DRC11: variants seen among roughly 807,000 people sequenced by gnomAD.
DRC11 encodes dynein regulatory complex subunit 11, also known as IQ and AAA domain-containing protein 1.
At chr2:236,365,459 G>T in the DRC11 span, among the ~76,000 whole-genome samples, 1 of 152,100 alleles carries the variant, frequency 6.6e-6, no homozygotes, top group Non-Finnish European at 1.5e-5. This position sits in a 1 kb window ranked among gnomAD's most constrained non-coding sequence, Gnocchi z 7.4. Context: ...ACAGGGAGGG[G>T]TGAGGAGCCA....
At chr2:236,408,640 G>A in the DRC11 span, 1 of 722,840 alleles carries the variant, frequency 1.4e-6, no homozygotes. The surrounding 1 kb of genome is among the most constrained non-coding windows in gnomAD (Gnocchi z 5.5). Context: ...TGCTCCAGCT[G>A]CTTCTTGCCA....
At chr2:236,357,611 T>C in the DRC11 span, among the ~76,000 whole-genome samples, 2 of 124,340 alleles carry the variant, frequency 1.6e-5, no homozygotes, top group Admixed American at 1.8e-4. Flanking sequence ...AAATATATAT[T>C]TATAAATATA....
the DRC11 span, among the ~76,000 whole-genome samples, chr2:236,312,227 C>T: frequency 3.9e-5 from 6 of 152,168 alleles, no homozygotes; most frequent in African/African-American, 1.4e-4. Flanking sequence ...ACTCAATTTA[C>T]AGAACTTTCA....
chr2:236,310,294 A>C, the DRC11 span, among the ~76,000 whole-genome samples: 1 of 152,182 alleles, frequency 6.6e-6, no homozygotes, highest in South Asian at 2.1e-4. The surrounding 1 kb of genome is among the most constrained non-coding windows in gnomAD (Gnocchi z 5.5). Flanking sequence ...AAGCATTTGG[A>C]GGATGGCACA....
the DRC11 span, among the ~76,000 whole-genome samples, chr2:236,355,929 C>T: frequency 4.6e-5 from 7 of 152,158 alleles, no homozygotes; most frequent in African/African-American, 1.4e-4. Flanking sequence ...CCACACACCA[C>T]ATCTGGGCAA....
At chr2:236,324,993 G>C in the DRC11 span, among the ~76,000 whole-genome samples, 1 of 152,200 alleles carries the variant, frequency 6.6e-6, no homozygotes, top group East Asian at 1.9e-4. This position sits in a 1 kb window ranked among gnomAD's most constrained non-coding sequence, Gnocchi z 5.7. Context: ...ATTTCTGCAT[G>C]ATTTGTTAAC....
the DRC11 span, among the ~76,000 whole-genome samples, chr2:236,478,756 G>T: frequency 8.6e-5 from 13 of 150,582 alleles, no homozygotes; most frequent in African/African-American, 2.4e-4. The surrounding 1 kb of genome is among the most constrained non-coding windows in gnomAD (Gnocchi z 5.9). Context: ...ATATTATCTT[G>T]CTGAATTGAC....
chr2:236,482,511 T>C, the DRC11 span, among the ~76,000 whole-genome samples: 24 of 152,336 alleles, frequency 1.6e-4, no homozygotes, highest in African/African-American at 5.5e-4. This position sits in a 1 kb window ranked among gnomAD's most constrained non-coding sequence, Gnocchi z 4.5. Flanking sequence ...GTGTTAAGAA[T>C]GAGCATCTCA....
the DRC11 span, among the ~76,000 whole-genome samples, chr2:236,342,116 G>A: frequency 1.3e-5 from 2 of 152,182 alleles, no homozygotes; most frequent in Non-Finnish European, 2.9e-5. This position sits in a 1 kb window ranked among gnomAD's most constrained non-coding sequence, Gnocchi z 5.8. Context: ...AGAGGGGCCG[G>A]AGGGTGCATT....
chr2:236,471,453 C>A, the DRC11 span, among the ~76,000 whole-genome samples: 6 of 152,110 alleles, frequency 3.9e-5, no homozygotes, highest in African/African-American at 1.4e-4. This position sits in a 1 kb window ranked among gnomAD's most constrained non-coding sequence, Gnocchi z 4.6. Context: ...AACACTGTAA[C>A]GTTAACTTTT....
At chr2:236,318,626 T>C in the DRC11 span, among the ~76,000 whole-genome samples, 1 of 143,430 alleles carries the variant, frequency 7.0e-6, no homozygotes, top group South Asian at 2.1e-4. The surrounding 1 kb of genome is among the most constrained non-coding windows in gnomAD (Gnocchi z 7.0). Context: ...GTGGTGTGCA[T>C]ATATCGTTTG....
the DRC11 span, chr2:236,331,392 A>C: frequency 6.2e-7 from 1 of 1,613,832 alleles, no homozygotes; most frequent in South Asian, 1.1e-5. This position sits in a 1 kb window ranked among gnomAD's most constrained non-coding sequence, Gnocchi z 4.8. Flanking sequence ...TGTACACTGG[A>C]TTCATGCTGG....
chr2:236,474,598 C>A, the DRC11 span, among the ~76,000 whole-genome samples: 1 of 152,076 alleles, frequency 6.6e-6, no homozygotes, highest in East Asian at 1.9e-4. Flanking sequence ...TAGATTAAAT[C>A]TTTTGACTTC....
the DRC11 span, chr2:236,497,066 G>A: frequency 1.5e-5 from 14 of 963,090 alleles, no homozygotes; most frequent in Admixed American, 2.9e-5. The surrounding 1 kb of genome is among the most constrained non-coding windows in gnomAD (Gnocchi z 5.1). Context: ...TAGTAAACAC[G>A]GACAGGAAGT....
the DRC11 span, among the ~76,000 whole-genome samples, chr2:236,433,688 A>T: frequency 6.6e-6 from 1 of 152,094 alleles, no homozygotes; most frequent in African/African-American, 2.4e-5. Context: ...TGCTTTTCTA[A>T]GTATTGAACA....
At chr2:236,418,636 G>A in the DRC11 span, among the ~76,000 whole-genome samples, 4 of 152,000 alleles carry the variant, frequency 2.6e-5, no homozygotes, top group African/African-American at 7.3e-5. Flanking sequence ...CCCCCTACAC[G>A]ACGGAAGGAC....
chr2:236,374,284 T>C, the DRC11 span, among the ~76,000 whole-genome samples: 4 of 152,258 alleles, frequency 2.6e-5, no homozygotes, highest in South Asian at 8.3e-4. Flanking sequence ...TACACTGCCA[T>C]CTTTCAAGCT....
the DRC11 span, among the ~76,000 whole-genome samples, chr2:236,443,336 C>T: frequency 4.6e-5 from 7 of 152,100 alleles, no homozygotes; most frequent in South Asian, 2.1e-4. The surrounding 1 kb of genome is among the most constrained non-coding windows in gnomAD (Gnocchi z 4.4). Context: ...TCTCCCTCCC[C>T]GCAACACCCC....
chr2:236,455,500 G>A, the DRC11 span, among the ~76,000 whole-genome samples: 1 of 152,254 alleles, frequency 6.6e-6, no homozygotes, highest in African/African-American at 2.4e-5. This position sits in a 1 kb window ranked among gnomAD's most constrained non-coding sequence, Gnocchi z 5.7. Flanking sequence ...CTAGCAGGGA[G>A]AGTATCAGGC....
Sources: gnomAD v4.1 joint callset for allele counts (sites outside exome capture counted in the v4.1 genomes callset) on GRCh38, gnomAD v4.1.1 for gene constraint, Gnocchi (gnomAD v3.1) non-coding constraint, MANE v1.5 for transcripts, NCBI Gene and HGNC (gene_info 2026-07-23, HGNC 2026-07-21) for gene names.